The following UBA3 variants were observed in gnomAD, a reference collection of about 807,000 sequenced individuals.
UBA3 encodes ubiquitin like modifier activating enzyme 3, also known as NEDD8-activating enzyme E1 catalytic subunit.
In UBA3, 26 loss-of-function variants were observed where a neutral mutation model predicts 73.5. That is an observed-to-expected ratio of 0.35 (90% CI 0.26 to 0.49). The LOEUF (loss-of-function observed/expected upper bound fraction) is 0.49, where lower values mean the gene tolerates loss of function less well. Ranked by LOEUF, UBA3 falls within the 20% of genes least tolerant of loss-of-function variation. The pLI, the probability that UBA3 is intolerant of heterozygous loss-of-function variation, is 0.98. For synonymous variants in UBA3, 217 were observed against 191.2 expected (o/e 1.13, Z -1.11); for missense variants, 495 against 555.6 (o/e 0.89, Z 1.10).
At chr3:69,067,865 C>G (rs2092086671) in intron 6 of UBA3, 63 bp downstream of exon 6, 4 of 1,273,044 alleles carry the variant, frequency 3.1e-6, no homozygotes, top group Non-Finnish European at 4.5e-6. Context: ...TGTTAAATAT[C>G]TCTTATAATA....
At chr3:69,071,665 A>AAGG in intron 4 of UBA3, 48 bp from the exon 5 acceptor site, 1 of 1,202,540 alleles carries the variant, frequency 8.3e-7, no homozygotes, top group South Asian at 1.4e-5. Context: ...CCTCACATTT[A>AAGG]AAAACGTAAC....
chr3:69,065,585 G>A (rs1461347039), intron 6 of UBA3, among the ~76,000 whole-genome samples: 1 of 152,170 alleles, frequency 6.6e-6, no homozygotes, highest in African/African-American at 2.4e-5. Flanking sequence ...TGGGACTACA[G>A]GCATGTGCCA....
At chr3:69,063,631 G>A in intron 7 of UBA3, 128 bp from the exon 8 acceptor site, 1 of 773,698 alleles carries the variant, frequency 1.3e-6, no homozygotes. Context: ...AAGGTAGTGT[G>A]TTTGTGGGAA....
intron 6 of UBA3, among the ~76,000 whole-genome samples, chr3:69,067,290 G>A (rs1261725089): frequency 6.6e-6 from 1 of 151,936 alleles, no homozygotes; most frequent in South Asian, 2.1e-4. Flanking sequence ...TACTTATCTT[G>A]TAGTTTACAT....
chr3:69,056,276 C>T lies in UBA3; in HGVS notation c.1091G>A (p.Cys364Tyr). Residue 364 changes from cysteine to tyrosine, a missense_variant, in exon 15 of 18, where the codon TGC becomes TAC. Coordinates refer to ENST00000361055, the MANE Select transcript of UBA3 (RefSeq NM_003968.4). ...YTFEAERKENCPACSQLPQNI... is the reference protein window; with the variant it reads ...YTFEAERKENYPACSQLPQNI... ...TTGAGGAAGCTGGCTACAAGCTGGGCAGTTTTCCTACACACATAATACACA... is the reference window on the plus strand; with the variant it reads ...TTGAGGAAGCTGGCTACAAGCTGGGTAGTTTTCCTACACACATAATACACA... 1 of 1,597,922 alleles carries T rather than the reference C, an allele frequency of 6.3e-7. No homozygotes were observed. Among genetic ancestry groups the T allele is most frequent in the Non-Finnish European group, 8.5e-7 (1 of 1,175,370 alleles).
Position 69,061,940 on chromosome 3 carries a change from A to C in UBA3, c.797-13T>G, listed in dbSNP as rs2092025352. The stretch of plus-strand genomic sequence containing the variant: ...AATGGAACCCCTTCTGTTTAAAAAA[A>C]AAAAGGGAGAGAGAGAGAGAGAGAA... On this transcript the variant is annotated splice_polypyrimidine_tract_variant and intron_variant, in intron 10 of 17. Coordinates refer to ENST00000361055, the MANE Select transcript of UBA3 (RefSeq NM_003968.4). 6.4e-7 allele frequency: 1 copy of C among 1,552,198 alleles called. No individual in the cohort carries two copies. The highest frequency in any genetic ancestry group is 1.4e-5 in the African/African-American group (1 of 72,122).
At chr3:69,079,048 G>A (rs1167863901) in intron 2 of UBA3, among the ~76,000 whole-genome samples, 7 of 152,114 alleles carry the variant, frequency 4.6e-5, no homozygotes, top group Non-Finnish European at 8.8e-5. Context: ...TTACAAAAGG[G>A]ACCAAGAAGT....
chr3:69,078,773 G>A (rs1390339085), intron 2 of UBA3, among the ~76,000 whole-genome samples: 2 of 152,158 alleles, frequency 1.3e-5, no homozygotes, highest in Non-Finnish European at 2.9e-5. Flanking sequence ...GAACCTGGCA[G>A]AGGTCTTAAT....
At chr3:69,075,544 G>A in intron 3 of UBA3, 34 bp from the exon 4 acceptor site, 1 of 1,389,362 alleles carries the variant, frequency 7.2e-7, no homozygotes, top group Non-Finnish European at 9.8e-7. Context: ...TAAAAGCTGG[G>A]TGATAACCGC....
At chr3:69,066,497 G>A (rs1284993108) in intron 6 of UBA3, among the ~76,000 whole-genome samples, 1 of 151,848 alleles carries the variant, frequency 6.6e-6, no homozygotes, top group Admixed American at 6.6e-5. Flanking sequence ...AGGCTGGGGT[G>A]CAGTAGCGCA....
At chr3:69,055,668 T>C (rs2091966603) in intron 17 of UBA3, 143 bp from the exon 18 acceptor site, 5 of 900,596 alleles carry the variant, frequency 5.6e-6, no homozygotes, top group Non-Finnish European at 6.7e-6. Flanking sequence ...TTTGATTTCT[T>C]AGAGATTTTA....
rs749819588 is a variant in UBA3 at position 69,061,946 on chromosome 3, GGAGAGA to G, written c.797-25_797-20del. 2.7e-5 allele frequency: 37 copies of G among 1,375,890 alleles called. No individual in the cohort carries two copies. Among genetic ancestry groups the G allele is most frequent in the Non-Finnish European group, 3.3e-5 (33 of 1,008,192 alleles). The allele number at this position is 1,375,890 out of a possible 1,614,324, so 85.2% of individuals were successfully genotyped here. On this transcript the variant is annotated intron_variant, in intron 10 of 17. Coordinates refer to ENST00000361055, the MANE Select transcript of UBA3 (RefSeq NM_003968.4). ...ACCCCTTCTGTTTAAAAAAAAAAAG[GGAGAGA>G]GAGAGAGAGAGAAGACAGGAATACG...
intron 6 of UBA3, among the ~76,000 whole-genome samples, chr3:69,065,954 AT>A (rs201761978): frequency 1.6e-4 from 24 of 150,856 alleles, no homozygotes; most frequent in African/African-American, 5.1e-4. Context: ...TTCTAATTGA[AT>A]TTTTTTTTGT....
At chr3:69,070,247 A>C (rs1469409928) in intron 5 of UBA3, among the ~76,000 whole-genome samples, 1 of 152,214 alleles carries the variant, frequency 6.6e-6, no homozygotes, top group Non-Finnish European at 1.5e-5. Flanking sequence ...GGGAAATTTC[A>C]AAGGTTAAAA....
At chr3:69,078,958 T>G (rs1241014775) in intron 2 of UBA3, among the ~76,000 whole-genome samples, 1 of 152,214 alleles carries the variant, frequency 6.6e-6, no homozygotes, top group African/African-American at 2.4e-5. Flanking sequence ...GATTCACGTT[T>G]GGTTGTGATT....
At chr3:69,072,255 C>T (rs2092127030) in intron 4 of UBA3, among the ~76,000 whole-genome samples, 1 of 152,136 alleles carries the variant, frequency 6.6e-6, no homozygotes, top group South Asian at 2.1e-4. Context: ...ATGCAAAAAA[C>T]TGAAAAAAAT....
chr3:69,056,329 A>C (rs1196004865), intron 14 of UBA3, 46 bp from the exon 15 acceptor site: 2 of 1,365,362 alleles, frequency 1.5e-6, no homozygotes, highest in South Asian at 2.8e-5. Context: ...ATGCACCAAT[A>C]TTAGTCTCTT....
intron 1 of UBA3, 66 bp downstream of exon 1, chr3:69,080,268 C>T (rs2092208133): frequency 1.3e-6 from 2 of 1,584,490 alleles, no homozygotes; most frequent in Non-Finnish European, 8.6e-7. Flanking sequence ...CGGCGGCAAC[C>T]GCCCACCGCC....
In UBA3 at chr3:69,055,544, T is replaced by A. The variant is rs6549179; in HGVS notation, c.1304-19A>T. The A allele has an allele frequency of 0.99, 1,551,996 of 1,563,734 alleles. 770,601 individuals are homozygous for A. Among genetic ancestry groups the A allele is most frequent in the Non-Finnish European group, 1 (1,159,733 of 1,160,028 alleles). On this transcript the variant is annotated intron_variant, in intron 17 of 17. Transcript: ENST00000361055. ...CCCAATTCTAAAACAGAAAAAATAT[T>A]ATTAATACAAGCAAAAAAAACTCAA...
Sources: allele counts gnomAD v4.1 joint callset (sites outside exome capture counted in the v4.1 genomes callset), GRCh38; gene constraint gnomAD v4.1.1; transcripts MANE v1.5; gene names NCBI Gene and HGNC (gene_info 2026-07-23, HGNC 2026-07-21).